Variants in CCDC13 observed in about 807,000 individuals in gnomAD.
CCDC13 encodes coiled-coil domain-containing protein 13.
CCDC13 carries 70 observed loss-of-function variants against 87.3 expected under a neutral mutation model. The observed-to-expected ratio is 0.80, with a 90% CI of 0.66 to 0.98. The LOEUF (loss-of-function observed/expected upper bound fraction) is 0.98. CCDC13 is among the 50% of genes least tolerant of loss of function. CCDC13 has a pLI of 0.00. For missense variants in CCDC13, 842 were observed against 892.0 expected (o/e 0.94, Z 0.71); for synonymous variants, 317 against 360.3 (o/e 0.88, Z 1.36).
rs771371520 is a variant in CCDC13, at chr3:42,762,975, A to C, written c.-6-4624T>G. Among the ~76,000 whole-genome samples, 7 of 152,324 alleles carry C rather than the reference A, an allele frequency of 4.6e-5. No homozygotes were observed. In the South Asian group the frequency reaches 8.3e-4, roughly 18 times the overall value. Reference sequence around the variant, plus strand: ...AATAAAAAAAGAAAAACTTTAAACAAATCAAATTTAACAGAATTCAACTGA... The same window carrying C: ...AATAAAAAAAGAAAAACTTTAAACACATCAAATTTAACAGAATTCAACTGA... On this transcript the variant is annotated intron_variant, in intron 1 of 15. Coordinates refer to ENST00000310232, the MANE Select transcript of CCDC13 (RefSeq NM_144719.4).
Position 42,745,988 on chromosome 3 carries a change from G to A in CCDC13, c.760C>T (p.Gln254Ter). The change falls in exon 7 of 16, where the codon CAG becomes TAG. Residue 254 changes from glutamine (Q) to a stop codon, truncating the protein, a stop_gained. Coordinates refer to ENST00000310232, the MANE Select transcript of CCDC13 (RefSeq NM_144719.4). LOFTEE classifies it high-confidence loss of function. ...REVGEDINVQ[Q>*]LLSSPGTWRG... ...CAGGTCCCTGGCGAAGATAGGAGCT[G>A]CTGAACGTTGATGTCTTCCCCAACC... The A allele has an allele frequency of 6.2e-7, 1 of 1,614,182 alleles. No individual in the cohort carries two copies. Among genetic ancestry groups the A allele is most frequent in the Non-Finnish European group, 8.5e-7 (1 of 1,180,022 alleles).
At chr3:42,722,953 C>T (rs905053381) in intron 13 of CCDC13, among the ~76,000 whole-genome samples, 22 of 151,896 alleles carry the variant, frequency 1.4e-4, no homozygotes, top group African/African-American at 4.6e-4. Context: ...CCCACCACTA[C>T]GCCCAGCTAA....
chr3:42,750,197 C>T lies in CCDC13; in HGVS notation c.603+1739G>A, dbSNP rs72865757. On this transcript the variant is annotated intron_variant, in intron 5 of 15. Coordinates refer to ENST00000310232, the MANE Select transcript of CCDC13 (RefSeq NM_144719.4). ...TTTGGCTTTCGTTCCCCTTTTCTCC[C>T]GTGTGAGCTCTGGGCTGCAGTCAAA... Among the ~76,000 whole-genome samples, 1,079 of 152,292 alleles carry T rather than the reference C, an allele frequency of 7.1e-3. 12 individuals are homozygous for T. Among genetic ancestry groups the T allele is most frequent in the African/African-American group, 0.025 (1,031 of 41,544 alleles).
At chr3:42,736,637 C>T (rs1261897605) in intron 9 of CCDC13, among the ~76,000 whole-genome samples, 1 of 152,152 alleles carries the variant, frequency 6.6e-6, no homozygotes, top group Admixed American at 6.5e-5. Flanking sequence ...CCTATGGTCA[C>T]ACAGTGAGAT....
chr3:42,729,577 G>A (rs540284188), intron 13 of CCDC13, among the ~76,000 whole-genome samples: 167 of 152,352 alleles, frequency 1.1e-3, no homozygotes, highest in Non-Finnish European at 1.9e-3. Flanking sequence ...GCACTGGCCA[G>A]TTCAACCTTC....
Position 42,735,687 on chromosome 3 carries a change from G to A in CCDC13, c.1371+20C>T, listed in dbSNP as rs746783392. 9.3e-6 allele frequency: 15 copies of A among 1,608,954 alleles called. No individual in the cohort carries two copies. The highest frequency in any genetic ancestry group is 7.7e-5 in the South Asian group (7 of 90,966). ...GCCCGGCTTGAAAATGGGTTTGGGC[G>A]CTGCCAGTGCCCTACTCACGTGCAC... On this transcript the variant is annotated intron_variant, in intron 10 of 15. Coordinates refer to ENST00000310232, the MANE Select transcript of CCDC13 (RefSeq NM_144719.4).
chr3:42,762,317 A>G (rs1397676952), intron 1 of CCDC13, among the ~76,000 whole-genome samples: 1 of 152,236 alleles, frequency 6.6e-6, no homozygotes, highest in Non-Finnish European at 1.5e-5. Flanking sequence ...GCACATTCCA[A>G]AAAACATGTT....
At chr3:42,772,317 GCTAGAGC>G (rs1342611700) in intron 1 of CCDC13, among the ~76,000 whole-genome samples, 2 of 146,136 alleles carry the variant, frequency 1.4e-5, no homozygotes, top group Admixed American at 1.4e-4. Flanking sequence ...TAAAGTAAAG[GCTAGAGC>G]TGCATGGAAA....
chr3:42,723,701 G>T (rs1698619611), intron 13 of CCDC13, among the ~76,000 whole-genome samples: 2 of 151,948 alleles, frequency 1.3e-5, no homozygotes, highest in African/African-American at 4.8e-5. Flanking sequence ...AAGAAGCACT[G>T]GTAAAATCAG....
At chr3:42,746,797 T>C (rs1019939229) in intron 6 of CCDC13, 4 of 216,374 alleles carry the variant, frequency 1.8e-5, no homozygotes, top group African/African-American at 9.2e-5. Context: ...GCATTTTCCT[T>C]TGAAAGGGTC....
chr3:42,746,406 C>G (rs1699395432), intron 6 of CCDC13: 1 of 217,690 alleles, frequency 4.6e-6, no homozygotes, highest in Non-Finnish European at 9.3e-6. Flanking sequence ...AGTACATCAC[C>G]ACAGGACCCT....
chr3:42,763,677 G>GT (rs1417187380), intron 1 of CCDC13, among the ~76,000 whole-genome samples: 1 of 151,940 alleles, frequency 6.6e-6, no homozygotes, highest in Non-Finnish European at 1.5e-5. Context: ...GATAATTTTT[G>GT]TATGTTTTTG....
intron 5 of CCDC13, among the ~76,000 whole-genome samples, chr3:42,750,169 T>A (rs1463143873): frequency 1.3e-5 from 2 of 152,204 alleles, no homozygotes; most frequent in Non-Finnish European, 2.9e-5. Context: ...TCACCCCAGC[T>A]TTTTTGGCTT....
rs757165954 is a variant in CCDC13, at chr3:42,713,334, G to T, written c.1719-18C>A. 58 of 1,612,718 alleles carry T rather than the reference G, an allele frequency of 3.6e-5. No homozygotes were observed. Among genetic ancestry groups the T allele is most frequent in the Non-Finnish European group, 4.7e-5 (55 of 1,179,464 alleles). Reference sequence around the variant, plus strand: ...CCTCCACCCTGGTGATTAGAGAGGAGGGGATGCTACATGCCCTGGCAGGCA... The same window carrying T: ...CCTCCACCCTGGTGATTAGAGAGGATGGGATGCTACATGCCCTGGCAGGCA... On this transcript the variant is annotated intron_variant, in intron 13 of 15. Coordinates refer to ENST00000310232, the MANE Select transcript of CCDC13 (RefSeq NM_144719.4).
chr3:42,732,628 A>G (rs1698870742), intron 12 of CCDC13: 2 of 499,974 alleles, frequency 4.0e-6, no homozygotes, highest in African/African-American at 3.9e-5. Context: ...CAGGCCCAGG[A>G]AGGTTCCTCA....
At chr3:42,747,233 C>T in intron 6 of CCDC13, 24 bp downstream of exon 6, 2 of 1,576,310 alleles carry the variant, frequency 1.3e-6, no homozygotes, top group Non-Finnish European at 1.7e-6. Context: ...ACACAAGAAG[C>T]CCCAAGCCCT....
chr3:42,704,202 CAT>C (rs1322399891), downstream of CCDC13: 5 of 152,326 alleles, frequency 3.3e-5, no homozygotes, highest in African/African-American at 1.2e-4. Context: ...GGACCTGGCA[CAT>C]GAGGAAGCCA....
intron 8 of CCDC13, among the ~76,000 whole-genome samples, chr3:42,742,404 C>T (rs1575308759): frequency 3.9e-5 from 6 of 152,296 alleles, no homozygotes; most frequent in African/African-American, 1.2e-4. Context: ...TGAAGCTAGG[C>T]CACCTCTGGA....
rs147142085 is a variant in CCDC13, at chr3:42,732,901, G to C, written c.1581C>G (p.His527Gln). The C allele has an allele frequency of 1.3e-6, 2 of 1,553,528 alleles. No homozygotes were observed. The highest frequency in any genetic ancestry group is 3.9e-5 in the Admixed American group (2 of 51,248). The change falls in exon 12 of 16, where the codon CAC (histidine) becomes CAG (glutamine). Residue 527 changes from histidine to glutamine, a missense_variant. Transcript: ENST00000310232. ...GGGGTCCATACCTAGGTGAGGTCCTGTGGGGACTGGGCAGGGAAGGCCTCG... is the reference window on the plus strand; with the variant it reads ...GGGGTCCATACCTAGGTGAGGTCCTCTGGGGACTGGGCAGGGAAGGCCTCG... Reference protein sequence around the residue: ...ALTRPSLPSPHRTSPRFSDSP... With the variant: ...ALTRPSLPSPQRTSPRFSDSP...
Sources: allele counts gnomAD v4.1 joint callset (sites outside exome capture counted in the v4.1 genomes callset), GRCh38; gene constraint gnomAD v4.1.1; transcripts MANE v1.5; gene names NCBI Gene and HGNC (gene_info 2026-07-23, HGNC 2026-07-21).